NOS1: variants seen among roughly 807,000 people sequenced by gnomAD.
NOS1 encodes the protein nitric oxide synthase 1, also known as NOS type I.
A neutral mutation model predicts 164.5 loss-of-function variants in NOS1; 51 were observed. That is an observed-to-expected ratio of 0.31 (90% CI 0.25 to 0.39). NOS1 has a LOEUF of 0.39. Among genes scored for constraint, NOS1 ranks in the 10% least tolerant of loss-of-function variants. The pLI is 1.00. For synonymous variants in NOS1, 719 were observed against 745.8 expected, an observed-to-expected ratio of 0.96 and a Z score of 0.59; for missense variants, 1,362 against 1,885.6, an observed-to-expected ratio of 0.72 and a Z score of 5.14.
Position 117,213,797 on chromosome 12 carries a change from G to C in NOS1, c.*1512C>G. 1 of 985,368 alleles carries C rather than the reference G, an allele frequency of 1.0e-6. No individual in the cohort carries two copies. Among genetic ancestry groups the C allele is most frequent in the Non-Finnish European group, 1.2e-6 (1 of 829,934 alleles). 61.0% of individuals were successfully genotyped at this position (985,368 alleles called of 1,614,324 possible). ...GTCTGGGAGGCCACTAGGATTTCTTGTCTCTTTCTGGGAACTGCCTGACAC... is the reference window on the plus strand; with the variant it reads ...GTCTGGGAGGCCACTAGGATTTCTTCTCTCTTTCTGGGAACTGCCTGACAC... On this transcript the variant is annotated 3_prime_UTR_variant, in exon 29 of 29. Coordinates refer to ENST00000317775, the MANE Select transcript of NOS1 (RefSeq NM_000620.5).
chr12:117,215,432 CTCTT>C (rs996505098), intron 28 of NOS1, 108 bp from the exon 29 acceptor site: 33 of 1,252,736 alleles, frequency 2.6e-5, no homozygotes, highest in South Asian at 5.3e-5. Flanking sequence ...GGGGCTTTGT[CTCTT>C]TCTTTTTTTT....
intron 22 of NOS1, 112 bp from the exon 23 acceptor site, chr12:117,227,753 G>T: frequency 1.0e-6 from 1 of 959,866 alleles, no homozygotes; most frequent in Non-Finnish European, 1.6e-6. Flanking sequence ...GTTGGCAGGT[G>T]CAGTGGCTCA....
At chr12:117,268,481 C>T (rs1291941739) in intron 10 of NOS1, among the ~76,000 whole-genome samples, 7 of 152,156 alleles carry the variant, frequency 4.6e-5, no homozygotes, top group South Asian at 2.1e-4. Flanking sequence ...ATCCACCCAC[C>T]TTGGCCTCCC....
intron 1 of NOS1, among the ~76,000 whole-genome samples, chr12:117,340,953 A>G (rs181999195): frequency 0.017 from 2,345 of 136,554 alleles, 22 homozygotes; most frequent in Non-Finnish European, 0.025. Context: ...TCGAACTCCT[A>G]TCCTCAAGTG....
intron 25 of NOS1, among the ~76,000 whole-genome samples, chr12:117,224,448 G>C (rs532483305): frequency 2.0e-5 from 3 of 152,074 alleles, no homozygotes; most frequent in Non-Finnish European, 4.4e-5. Context: ...ACCACGCCGG[G>C]CTAAATTTTG....
intron 7 of NOS1, 28 bp from the exon 8 acceptor site, chr12:117,280,894 C>A: frequency 6.2e-7 from 1 of 1,610,472 alleles, no homozygotes; most frequent in Non-Finnish European, 8.5e-7. Context: ...GAACACCCGG[C>A]ATCAGGGCGG....
chr12:117,360,565 C>T (rs567681697), intron 1 of NOS1, among the ~76,000 whole-genome samples: 6 of 152,362 alleles, frequency 3.9e-5, no homozygotes, highest in African/African-American at 1.4e-4. Context: ...GTGAGAGGTG[C>T]GGGCGGCCCC....
chr12:117,274,468 T>A (rs546176418), intron 9 of NOS1, among the ~76,000 whole-genome samples: 3 of 151,994 alleles, frequency 2.0e-5, no homozygotes, highest in Non-Finnish European at 4.4e-5. Context: ...TGGGCATTTA[T>A]CCAAAGGAAA....
Position 117,220,172 on chromosome 12 carries a change from G to T in NOS1, c.4073C>A (p.Thr1358Asn). ...GGHIYVCGDV[T>N]MAADVLKAIQ... ...GGCTTTGAGGACATCAGCAGCCATG[G>T]TGACGTCCCCACAGACGTATATGTG... The change falls in exon 27 of 29, where the codon ACC (threonine) becomes AAC (asparagine). Residue 1358 changes from threonine (T) to asparagine (N), a missense_variant. By Grantham distance (65) the Thr-to-Asn change is moderately conservative (BLOSUM62 0). Coordinates refer to ENST00000317775, the MANE Select transcript of NOS1 (RefSeq NM_000620.5). 1 of 1,614,030 alleles carries T rather than the reference G, an allele frequency of 6.2e-7. No individual in the cohort carries two copies. The highest frequency in any genetic ancestry group is 8.5e-7 in the Non-Finnish European group (1 of 1,180,018).
intron 15 of NOS1, 115 bp downstream of exon 15, chr12:117,258,911 C>T: frequency 1.5e-6 from 1 of 679,020 alleles, no homozygotes; most frequent in South Asian, 1.9e-5. Flanking sequence ...TACTGGCTTT[C>T]AGGCTCTGGG....
intron 22 of NOS1, among the ~76,000 whole-genome samples, chr12:117,229,877 C>T (rs1387681013): frequency 1.3e-5 from 2 of 152,214 alleles, no homozygotes; most frequent in Non-Finnish European, 2.9e-5. Flanking sequence ...GCGTGAGCCA[C>T]TGTGCCCGGC....
At chr12:117,358,922 A>C (rs549204022) in intron 1 of NOS1, among the ~76,000 whole-genome samples, 19 of 152,346 alleles carry the variant, frequency 1.2e-4, no homozygotes, top group African/African-American at 4.3e-4. Context: ...GTAGATGCCC[A>C]GATGCATGCA....
chr12:117,343,238 AAAG>A (rs1876198343), intron 1 of NOS1, among the ~76,000 whole-genome samples: 1 of 151,936 alleles, frequency 6.6e-6, no homozygotes, highest in Non-Finnish European at 1.5e-5. Context: ...ACTCTGTCAA[AAAG>A]AAGGAAGGAA....
At chr12:117,318,463 G>A (rs1298037450) in intron 2 of NOS1, among the ~76,000 whole-genome samples, 1 of 152,220 alleles carries the variant, frequency 6.6e-6, no homozygotes, top group Admixed American at 6.5e-5. Flanking sequence ...TCTGGCAAGA[G>A]CAAAACTAAA....
chr12:117,265,546 G>C (rs1188349376), intron 11 of NOS1, 36 bp from the exon 12 acceptor site: 1 of 1,414,164 alleles, frequency 7.1e-7, no homozygotes, highest in Admixed American at 2.6e-5. Flanking sequence ...CAGGAGGTAT[G>C]AGAAGCTGGG....
intron 11 of NOS1, among the ~76,000 whole-genome samples, chr12:117,266,206 T>A (rs1872396266): frequency 6.6e-6 from 1 of 152,090 alleles, no homozygotes; most frequent in Non-Finnish European, 1.5e-5. Context: ...GGTGCACCCA[T>A]CGCCCGAGCA....
intron 23 of NOS1, 145 bp from the exon 24 acceptor site, chr12:117,226,915 A>G (rs1868741952): frequency 1.0e-5 from 7 of 674,902 alleles, no homozygotes. Context: ...CTGAAGGGCA[A>G]GAGGAAATGG....
At chr12:117,250,123 G>A (rs1302449164) in intron 17 of NOS1, among the ~76,000 whole-genome samples, 1 of 151,978 alleles carries the variant, frequency 6.6e-6, no homozygotes, top group Non-Finnish European at 1.5e-5. Flanking sequence ...AGTTGGAAAG[G>A]CACCCTCCAT....
At chr12:117,215,438 CTTTTT>C (rs149003143) in intron 28 of NOS1, 114 bp from the exon 29 acceptor site, 84 of 1,007,406 alleles carry the variant, frequency 8.3e-5, no homozygotes, top group East Asian at 1.4e-4. Flanking sequence ...TTGTCTCTTT[CTTTTT>C]TTTTTTTTTT....
Sources: allele counts gnomAD v4.1 joint callset (sites outside exome capture counted in the v4.1 genomes callset), GRCh38; gene constraint gnomAD v4.1.1; transcripts MANE v1.5; gene names NCBI Gene and HGNC (gene_info 2026-07-23, HGNC 2026-07-21).